Variants in SLC1A5 observed in about 807,000 individuals in gnomAD.
The protein encoded by SLC1A5 is neutral amino acid transporter B(0).
SLC1A5 carries 25 observed loss-of-function variants against 34.9 expected under a neutral mutation model. The ratio of observed to expected loss-of-function variants is 0.72; its 90% confidence interval spans 0.52 to 1.00. SLC1A5 has a LOEUF of 1.00. SLC1A5 is among the 50% of genes least tolerant of loss of function. The probability of loss-of-function intolerance (pLI) is 0.00; values close to 1 mark genes in which losing one functional copy is unlikely to be tolerated. For synonymous variants in SLC1A5, 351 were observed against 341.2 expected (o/e 1.03, Z -0.32); for missense variants, 637 against 740.0 (o/e 0.86, Z 1.61).
intron 4 of SLC1A5, among the ~76,000 whole-genome samples, chr19:46,780,449 G>A (rs147071519): frequency 0.026 from 3,940 of 152,066 alleles, 138 homozygotes; most frequent in African/African-American, 0.085. Context: ...TGCCTCCCAG[G>A]TTCAAGCGAT....
At chr19:46,782,255 G>T in intron 4 of SLC1A5, 128 bp downstream of exon 4, 2 of 696,502 alleles carry the variant, frequency 2.9e-6, no homozygotes, top group Non-Finnish European at 2.4e-6. Context: ...GGATTTAAAT[G>T]CAGGTCATCT....
rs377705699 is a variant in SLC1A5, at chr19:46,777,337, C to T, written c.1127G>A (p.Arg376His). 6.8e-6 allele frequency: 11 copies of T among 1,613,660 alleles called. No homozygotes were observed. Among genetic ancestry groups the T allele is most frequent in the Non-Finnish European group, 9.3e-6 (11 of 1,179,996 alleles). Reference sequence around the variant, plus strand: ...GGTGGCGCCGATGGGCAGGATGAAACGGCTGATGTGCTTGGCCACGCCATT... The same window carrying T: ...GGTGGCGCCGATGGGCAGGATGAAATGGCTGATGTGCTTGGCCACGCCATT... ...ENNGVAKHIS[R>H]FILPIGATVN... Residue 376 changes from arginine to histidine, a missense_variant, in exon 6 of 8, where the codon CGT becomes CAT. By Grantham distance (29) the Arg-to-His change is conservative (BLOSUM62 0). Transcript: ENST00000542575.
At chr19:46,775,780 G>A (rs1326069185) in intron 7 of SLC1A5, 33 bp from the exon 8 acceptor site, 5 of 1,599,750 alleles carry the variant, frequency 3.1e-6, no homozygotes, top group Non-Finnish European at 4.3e-6. Context: ...AAAGTAAGCG[G>A]GAGGGGAGAG....
At chr19:46,784,853 GC>G in intron 1 of SLC1A5, 1 of 1,386,846 alleles carries the variant, frequency 7.2e-7, no homozygotes, top group Non-Finnish European at 9.3e-7. Flanking sequence ...AGGGCAGGTC[GC>G]CCCGGGCCTC....
rs532206765 is a variant in SLC1A5 at position 46,778,135 on chromosome 19, C to T, written c.1058+540G>A. On this transcript the variant is annotated intron_variant, in intron 5 of 7. Transcript: ENST00000542575. ...GTTCTGAGGTTGAATCAGAGCAGAA[C>T]TTAAGAGCCCCCCAGGGGCATGGCA... Among the ~76,000 whole-genome samples, 20 of 152,244 alleles carry T rather than the reference C, an allele frequency of 1.3e-4. No homozygotes were observed. In the South Asian group the frequency reaches 3.3e-3, roughly 25 times the overall value.
chr19:46,783,845 T>C (rs1427114584), intron 3 of SLC1A5, among the ~76,000 whole-genome samples: 2 of 137,284 alleles, frequency 1.5e-5, no homozygotes, highest in African/African-American at 2.8e-5. Context: ...TGAGGGTGGA[T>C]GGAAGGGGGC....
At position 46,775,743 on chromosome 19, in the gene SLC1A5, G is replaced by A. The variant is rs780272583; in HGVS notation, c.1393C>T (p.Arg465Trp). Residue 465 changes from arginine to tryptophan, a missense_variant, in exon 8 of 8, where the codon CGG becomes TGG. Physicochemically the swap from Arg to Trp is moderately radical, Grantham distance 101 (BLOSUM62 -3). Transcript: ENST00000542575. ...LILAVDWLVD[R>W]SCTVLNVEGD... is the part of the protein sequence containing the mutation. ...TCTACATTGAGGACGGTACAGGACC[G>A]GTCGCTAAAGGGGTAGAAATGACAG... The A allele has an allele frequency of 1.1e-5, 18 of 1,610,260 alleles. No homozygotes were observed. Among genetic ancestry groups the A allele is most frequent in the Middle Eastern group, 1.7e-4 (1 of 6,036 alleles).
intron 4 of SLC1A5, among the ~76,000 whole-genome samples, chr19:46,779,455 CTT>C (rs1193950367): frequency 2.0e-5 from 3 of 148,856 alleles, no homozygotes; most frequent in Non-Finnish European, 4.4e-5. Flanking sequence ...AGTCTCAGTG[CTT>C]CCATCACCAT....
At position 46,780,185 on chromosome 19, in the gene SLC1A5, T is replaced by A. The variant is rs549492595; in HGVS notation, c.825-1277A>T. Among the ~76,000 whole-genome samples the A allele has an allele frequency of 2.0e-5, 3 of 151,592 alleles. No homozygotes were observed. In the South Asian group the frequency reaches 6.3e-4, roughly 32 times the overall value. Reference sequence around the variant, plus strand: ...TCTTAAACAACAACAACAAAAAAAATGAGCTAGGCTTTGTGGCTGGGGTCT... The same window carrying A: ...TCTTAAACAACAACAACAAAAAAAAAGAGCTAGGCTTTGTGGCTGGGGTCT... On this transcript the variant is annotated intron_variant, in intron 4 of 7. Coordinates refer to ENST00000542575, the MANE Select transcript of SLC1A5 (RefSeq NM_005628.3).
intron 4 of SLC1A5, 32 bp downstream of exon 4, chr19:46,782,351 A>ACC: frequency 5.1e-5 from 13 of 256,156 alleles, no homozygotes; most frequent in South Asian, 2.3e-4. Flanking sequence ...CTCCAACCCC[A>ACC]CCCACCCCCA....
At chr19:46,778,594 G>T in intron 5 of SLC1A5, 81 bp downstream of exon 5, 1 of 991,640 alleles carries the variant, frequency 1.0e-6, no homozygotes, top group Non-Finnish European at 1.5e-6. Flanking sequence ...CAGATACAAT[G>T]TCCCGGGCAG....
chr19:46,784,682 T>C (rs313853), intron 1 of SLC1A5, 123 bp from the exon 2 acceptor site: 539,987 of 1,595,402 alleles, frequency 0.34, 91,900 homozygotes, highest in Non-Finnish European at 0.34. Context: ...TGCACGCAAA[T>C]ACAGCCCCTA....
intron 2 of SLC1A5, among the ~76,000 whole-genome samples, 161 bp downstream of exon 2, chr19:46,784,356 G>A (rs977625189): frequency 1.3e-5 from 2 of 152,108 alleles, no homozygotes; most frequent in African/African-American, 4.8e-5. Context: ...TTTACCCAGA[G>A]TCACACAGCT....
rs2055198155 is a variant in SLC1A5, at chr19:46,787,849, G to A, written c.117C>T (p.Cys39=). Residue 39 remains cysteine, a synonymous_variant, in exon 1 of 8, where the codon TGC becomes TGT. Transcript: ENST00000542575. The surrounding 1 kb of genome is among the most constrained non-coding windows in gnomAD (Gnocchi z 5.2). ...EDQGAAAGGY[C]GSRDQVRRCL... ...AGCGGCGCACCTGGTCCCGGGAACC[G>A]CAGTAGCCGCCTGCTGCCGCGCCTT... is the stretch of plus-strand genomic sequence containing the variant. 6.4e-7 allele frequency: 1 copy of A among 1,553,814 alleles called. No individual in the cohort carries two copies. The highest frequency in any genetic ancestry group is 1.9e-5 in the Admixed American group (1 of 51,318).
At chr19:46,784,405 C>T (rs1365163239) in intron 2 of SLC1A5, 112 bp downstream of exon 2, 5 of 1,219,028 alleles carry the variant, frequency 4.1e-6, no homozygotes, top group Non-Finnish European at 6.0e-6. Context: ...CCCGTATTCT[C>T]ATTGACATGC....
In SLC1A5 at chr19:46,786,268, A is replaced by ATGTGAAT. The variant is rs2055185739; in HGVS notation, c.566+1131_566+1132insATTCACA. ...TGTCGAGATGCTACAGCCTCAGCTG[A>ATGTGAAT]GTGTCTGCGTGAATGTGTCCAGCTG... On this transcript the variant is annotated intron_variant, in intron 1 of 7. Transcript: ENST00000542575. Among the ~76,000 whole-genome samples, 4 of 152,074 alleles carry ATGTGAAT rather than the reference A, an allele frequency of 2.6e-5. No homozygotes were observed. The East Asian group carries it at 7.7e-4, about 29-fold the overall frequency.
Position 46,787,837 on chromosome 19 carries a change from G to A in SLC1A5, c.129C>T (p.Asp43=). The part of the protein sequence containing the change: ...AAAGGYCGSR[D]QVRRCLRANL... ...TGGCTCGAAGGCAGCGGCGCACCTG[G>A]TCCCGGGAACCGCAGTAGCCGCCTG... Residue 43 remains aspartate, a synonymous_variant, in exon 1 of 8, where the codon GAC becomes GAT. Coordinates refer to ENST00000542575, the MANE Select transcript of SLC1A5 (RefSeq NM_005628.3). This position sits in a 1 kb window ranked among gnomAD's most constrained non-coding sequence, Gnocchi z 5.2. 3 of 1,552,704 alleles carry A rather than the reference G, an allele frequency of 1.9e-6. No homozygotes were observed. Among genetic ancestry groups the A allele is most frequent in the Non-Finnish European group, 2.6e-6 (3 of 1,148,852 alleles).
At chr19:46,782,343 C>CCCACCCCCCCCCCCCCCCCCCCCCA in intron 4 of SLC1A5, 40 bp downstream of exon 4, 4 of 459,574 alleles carry the variant, frequency 8.7e-6, no homozygotes, top group East Asian at 1.1e-4. Context: ...GACCGACCCT[C>CCCACCCCCCCCCCCCCCCCCCCCCA]CAACCCCACC....
At chr19:46,781,701 T>C (rs887635486) in intron 4 of SLC1A5, among the ~76,000 whole-genome samples, 10 of 152,176 alleles carry the variant, frequency 6.6e-5, no homozygotes, top group African/African-American at 2.4e-4. Context: ...CCCCAGTCCC[T>C]TCTTGTAAGT....
Sources: gnomAD v4.1 joint callset for allele counts (sites outside exome capture counted in the v4.1 genomes callset) on GRCh38, gnomAD v4.1.1 for gene constraint, Gnocchi (gnomAD v3.1) non-coding constraint, MANE v1.5 for transcripts, NCBI Gene and HGNC (gene_info 2026-07-23, HGNC 2026-07-21) for gene names.